Variants in CCDC134 observed in about 807,000 individuals in gnomAD.
CCDC134 encodes the protein coiled-coil domain containing 134.
A neutral mutation model predicts 25.6 loss-of-function variants in CCDC134; 27 were observed. The observed-to-expected ratio is 1.05, with a 90% CI of 0.78 to 1.45. CCDC134 has a LOEUF of 1.45. CCDC134 is among the 40% of genes most tolerant of loss of function. The pLI is 0.00. For missense variants in CCDC134, 261 were observed against 286.7 expected (o/e 0.91, Z 0.65); for synonymous variants, 110 against 115.0 (o/e 0.96, Z 0.28).
In CCDC134 at chr22:41,825,949, GC is replaced by G. The variant is rs2148322666; in HGVS notation, c.*131del. 7.5e-7 allele frequency: 1 copy of G among 1,341,694 alleles called. No homozygotes were observed. Among genetic ancestry groups the G allele is most frequent in the Non-Finnish European group, 1.0e-6 (1 of 977,122 alleles). 83.1% of individuals were successfully genotyped at this position (1,341,694 alleles called of 1,614,324 possible). A position where few individuals can be genotyped will look rare whatever the true frequency, so the allele number is the denominator to read the frequency against. On this transcript the variant is annotated 3_prime_UTR_variant, in exon 7 of 7. Coordinates refer to ENST00000255784, the MANE Select transcript of CCDC134 (RefSeq NM_024821.5). The surrounding 1 kb of genome is among the most constrained non-coding windows in gnomAD (Gnocchi z 4.4). ...CAGAAGGGGAGGCCACATTTGCCCG[GC>G]CCCCTGGAGCTGGGTCTGAGCCCCA...
chr22:41,810,017 G>T lies in CCDC134; in HGVS notation c.225+17G>T. The T allele has an allele frequency of 6.2e-7, 1 of 1,613,524 alleles. No individual in the cohort carries two copies. The highest frequency in any genetic ancestry group is 8.5e-7 in the Non-Finnish European group (1 of 1,179,742). On this transcript the variant is annotated intron_variant, in intron 3 of 6. Transcript: ENST00000255784. ...CTCTTTAAGGTGTGTGCAGGCAGGG[G>T]GCAGCTCATGGCAGGTCCAGTCTTT...
intron 3 of CCDC134, 75 bp downstream of exon 3, chr22:41,810,075 C>G (rs1240747269): frequency 6.2e-7 from 1 of 1,603,986 alleles, no homozygotes; most frequent in Non-Finnish European, 8.5e-7. Flanking sequence ...CAGGAGTTCC[C>G]TAACGGGTTG....
At chr22:41,809,364 TC>T (rs2076583270) in intron 2 of CCDC134, among the ~76,000 whole-genome samples, 1 of 152,056 alleles carries the variant, frequency 6.6e-6, no homozygotes, top group Non-Finnish European at 1.5e-5. Context: ...TTACAACAAG[TC>T]CCCTGGCTTT....
At chr22:41,806,091 A>C (rs530566431) in intron 1 of CCDC134, among the ~76,000 whole-genome samples, 1 of 152,192 alleles carries the variant, frequency 6.6e-6, no homozygotes, top group Admixed American at 6.5e-5. Flanking sequence ...ACTTGTATTT[A>C]AGATTACTTG....
At chr22:41,814,306 CTG>C (rs1281470443) in intron 6 of CCDC134, among the ~76,000 whole-genome samples, 2 of 152,166 alleles carry the variant, frequency 1.3e-5, no homozygotes, top group African/African-American at 4.8e-5. Context: ...TGGCTCACAT[CTG>C]TAATTCCAGC....
Position 41,825,041 on chromosome 22 carries a change from G to A in CCDC134, c.565-657G>A, listed in dbSNP as rs1261641462. ...TTCTGCCCTGCTGCTCATCAGAACA[G>A]GGACTCTGGGGAGAGGGAACCATAC... On this transcript the variant is annotated intron_variant, in intron 6 of 6. Transcript: ENST00000255784. This position sits in a 1 kb window ranked among gnomAD's most constrained non-coding sequence, Gnocchi z 4.4. Among the ~76,000 whole-genome samples the A allele has an allele frequency of 6.6e-6, 1 of 152,104 alleles. No individual in the cohort carries two copies.
At chr22:41,811,727 G>A (rs998566038) in intron 4 of CCDC134, among the ~76,000 whole-genome samples, 12 of 152,142 alleles carry the variant, frequency 7.9e-5, no homozygotes, top group African/African-American at 1.4e-4. Flanking sequence ...TACCACACCC[G>A]GCCAAAAGTA....
intron 4 of CCDC134, among the ~76,000 whole-genome samples, chr22:41,811,551 C>T (rs2148310381): frequency 6.6e-6 from 1 of 152,280 alleles, no homozygotes; most frequent in Non-Finnish European, 1.5e-5. Flanking sequence ...GCCTCAGCCT[C>T]CCGAGTAGCT....
Position 41,825,925 on chromosome 22 carries a change from A to G in CCDC134, c.*102A>G. The G allele has an allele frequency of 6.7e-7, 1 of 1,496,994 alleles. No individual in the cohort carries two copies. 92.7% of individuals were successfully genotyped at this position (1,496,994 alleles called of 1,614,324 possible). A position where few individuals can be genotyped will look rare whatever the true frequency, so the allele number is the denominator to read the frequency against. ...TGGAGAGCACCAGCTAGCCCCTTCC[A>G]GAAGGGGAGGCCACATTTGCCCGGC... is the stretch of plus-strand genomic sequence containing the variant. On this transcript the variant is annotated 3_prime_UTR_variant, in exon 7 of 7. Coordinates refer to ENST00000255784, the MANE Select transcript of CCDC134 (RefSeq NM_024821.5). The surrounding 1 kb of genome is among the most constrained non-coding windows in gnomAD (Gnocchi z 4.4).
chr22:41,808,771 A>T, intron 1 of CCDC134, 104 bp from the exon 2 acceptor site: 1 of 890,514 alleles, frequency 1.1e-6, no homozygotes. Flanking sequence ...CTTGGTATAC[A>T]GAGGCTGCAC....
chr22:41,812,422 CAAAAAAAAAAAAAA>C (rs36098937), intron 4 of CCDC134, among the ~76,000 whole-genome samples: 1 of 77,208 alleles, frequency 1.3e-5, no homozygotes, highest in East Asian at 3.4e-4. Flanking sequence ...ACTCCGTCTC[CAAAAAAAAAAAAAA>C]AAAAAAAAGG....
At position 41,809,949 on chromosome 22, in the gene CCDC134, C is replaced by T. The variant is rs773736987; in HGVS notation, c.174C>T (p.Asp58=). ...LALKNLAQLN[D]IHQQYKILDV... ...TGAAGAACCTGGCACAGCTGAACGA[C>T]ATCCACCAGCAGTACAAGATCCTTG... The change falls in exon 3 of 7, where the codon GAC becomes GAT. Residue 58 remains aspartate, a synonymous_variant. Coordinates refer to ENST00000255784, the MANE Select transcript of CCDC134 (RefSeq NM_024821.5). The T allele has an allele frequency of 1.9e-6, 3 of 1,614,168 alleles. No individual in the cohort carries two copies. The Admixed American group carries it at 5.0e-5, about 27-fold the overall frequency.
At chr22:41,805,010 C>G (rs1299582814) in intron 1 of CCDC134, among the ~76,000 whole-genome samples, 1 of 152,112 alleles carries the variant, frequency 6.6e-6, no homozygotes, top group African/African-American at 2.4e-5. Context: ...GTGGAGGTTG[C>G]AAGATCTGAG....
In CCDC134 at chr22:41,825,844, C is replaced by T; in HGVS notation, c.*21C>T. 6.2e-7 allele frequency: 1 copy of T among 1,612,458 alleles called. No individual in the cohort carries two copies. The highest frequency in any genetic ancestry group is 2.2e-5 in the East Asian group (1 of 44,842). On this transcript the variant is annotated 3_prime_UTR_variant, in exon 7 of 7. Transcript: ENST00000255784. This position sits in a 1 kb window ranked among gnomAD's most constrained non-coding sequence, Gnocchi z 4.4. ...TATAGCCCTGGAGCAGCTCAGGGCTCAGGGGGCCACAAGGAGGCAGGTCGG... is the reference window on the plus strand; with the variant it reads ...TATAGCCCTGGAGCAGCTCAGGGCTTAGGGGGCCACAAGGAGGCAGGTCGG...
chr22:41,830,644 T>C lies in CCDC134; in HGVS notation c.*4821T>C, dbSNP rs2076701270. On this transcript the variant is annotated 3_prime_UTR_variant, in exon 7 of 7. Coordinates refer to ENST00000255784, the MANE Select transcript of CCDC134 (RefSeq NM_024821.5). ...TGTGTGTGAACAATGACGAGAACAA[T>C]GTTGTCTTGCTTTCCCAAAAAATAA... Among the ~76,000 whole-genome samples, 1 of 152,212 alleles carries C rather than the reference T, an allele frequency of 6.6e-6. No homozygotes were observed. The highest frequency in any genetic ancestry group is 2.1e-4 in the South Asian group (1 of 4,830).
intron 5 of CCDC134, 132 bp from the exon 6 acceptor site, chr22:41,813,619 G>A: frequency 8.3e-7 from 1 of 1,206,030 alleles, no homozygotes; most frequent in Non-Finnish European, 1.2e-6. Context: ...TGCTGACCCA[G>A]TTCCCATGGG....
intron 6 of CCDC134, among the ~76,000 whole-genome samples, chr22:41,822,579 G>A (rs966430339): frequency 1.3e-5 from 2 of 152,204 alleles, no homozygotes; most frequent in Non-Finnish European, 1.5e-5. Flanking sequence ...AGGTGGGGAA[G>A]GGAACAGGGA....
rs564680539 is a variant in CCDC134, at chr22:41,814,898, G to A, written c.564+1076G>A. 2.6e-5 allele frequency among the ~76,000 whole-genome samples: 4 copies of A among 152,288 alleles called. No individual in the cohort carries two copies. The South Asian group carries it at 8.3e-4, about 32-fold the overall frequency. On this transcript the variant is annotated intron_variant, in intron 6 of 6. Transcript: ENST00000255784. ...GGTGACACAGAGGGGCCAGGTGGGC[G>A]CTGTGCATGCAGGGGGTGTGCATCA...
chr22:41,817,551 G>T (rs1465661259), intron 6 of CCDC134, among the ~76,000 whole-genome samples: 3 of 152,014 alleles, frequency 2.0e-5, no homozygotes. Context: ...GGCCAACATG[G>T]TGAAACCCTG....
Sources: allele counts gnomAD v4.1 joint callset (sites outside exome capture counted in the v4.1 genomes callset), GRCh38; gene constraint gnomAD v4.1.1; non-coding constraint Gnocchi (gnomAD v3.1); transcripts MANE v1.5; gene names NCBI Gene and HGNC (gene_info 2026-07-23, HGNC 2026-07-21).